Variants in SYT17 observed in about 807,000 individuals in gnomAD.
The protein encoded by SYT17 is synaptotagmin 17.
Under a neutral mutation model 46.7 loss-of-function variants are expected in SYT17, and 22 were observed. The observed-to-expected ratio is 0.47, with a 90% CI of 0.34 to 0.67. The LOEUF (loss-of-function observed/expected upper bound fraction) is 0.67. SYT17 is among the 30% of genes least tolerant of loss of function. SYT17 has a pLI of 0.01. For missense variants in SYT17, 519 were observed against 612.8 expected (o/e 0.85, Z 1.62); for synonymous variants, 251 against 248.4 (o/e 1.01, Z -0.10).
At chr16:19,194,804 C>A (rs1965168475) in intron 5 of SYT17, among the ~76,000 whole-genome samples, 1 of 152,052 alleles carries the variant, frequency 6.6e-6, no homozygotes, top group Non-Finnish European at 1.5e-5. Flanking sequence ...TGCTGTGTTG[C>A]CCAGGCTGGT....
chr16:19,175,375 C>T (rs1217423909), intron 3 of SYT17, among the ~76,000 whole-genome samples: 1 of 151,814 alleles, frequency 6.6e-6, no homozygotes, highest in Admixed American at 6.6e-5. Context: ...AATTCACAGC[C>T]GGGTGCCGTG....
At chr16:19,196,549 ATT>A (rs5816034) in intron 5 of SYT17, among the ~76,000 whole-genome samples, 26 of 150,612 alleles carry the variant, frequency 1.7e-4, no homozygotes, top group Admixed American at 4.6e-4. Context: ...CAGCTGAAGA[ATT>A]TTTTTTTTTT....
chr16:19,193,395 A>G (rs1204089750), intron 5 of SYT17, among the ~76,000 whole-genome samples: 1 of 152,252 alleles, frequency 6.6e-6, no homozygotes, highest in Non-Finnish European at 1.5e-5. Flanking sequence ...TGTTTAGTCA[A>G]AAGTGATATT....
chr16:19,179,282 C>T (rs551192417), intron 3 of SYT17, among the ~76,000 whole-genome samples: 26 of 152,262 alleles, frequency 1.7e-4, no homozygotes, highest in African/African-American at 6.3e-4. Flanking sequence ...CACAGACCAC[C>T]ATGCCCAGCT....
rs1461612476 is a variant in SYT17, at chr16:19,168,404, G to T, written c.-243G>T. 2 of 567,182 alleles carry T rather than the reference G, an allele frequency of 3.5e-6. No homozygotes were observed. The highest frequency in any genetic ancestry group is 3.1e-6 in the Non-Finnish European group (1 of 326,548). 35.1% of individuals were successfully genotyped at this position (567,182 alleles called of 1,614,324 possible). ...GGAGGCCGAGGCGGGGGCCCTGGGC[G>T]CCCGATATCTCCGAACCGGGGAGGC... is the stretch of plus-strand genomic sequence containing the variant. On this transcript the variant is annotated 5_prime_UTR_variant, in exon 1 of 8. Transcript: ENST00000355377. This position sits in a 1 kb window ranked among gnomAD's most constrained non-coding sequence, Gnocchi z 6.9.
chr16:19,178,304 C>T (rs1964401687), intron 3 of SYT17, among the ~76,000 whole-genome samples: 1 of 151,868 alleles, frequency 6.6e-6, no homozygotes, highest in South Asian at 2.1e-4. Context: ...CTAGGATGGT[C>T]TCGATGTCCT....
intron 7 of SYT17, among the ~76,000 whole-genome samples, chr16:19,230,649 A>G (rs1487381106): frequency 6.6e-6 from 1 of 152,194 alleles, no homozygotes; most frequent in Non-Finnish European, 1.5e-5. Context: ...CTGAGAAAAG[A>G]ATGTTCTTTC....
chr16:19,206,998 T>C (rs1347940522), intron 5 of SYT17, among the ~76,000 whole-genome samples: 1 of 152,178 alleles, frequency 6.6e-6, no homozygotes, highest in Non-Finnish European at 1.5e-5. Context: ...GGATCCCTCA[T>C]GACTGACTAG....
At chr16:19,195,293 T>C (rs1375830033) in intron 5 of SYT17, among the ~76,000 whole-genome samples, 1 of 152,236 alleles carries the variant, frequency 6.6e-6, no homozygotes, top group African/African-American at 2.4e-5. Flanking sequence ...TGAACCCATG[T>C]CATCCAGCTG....
intron 5 of SYT17, among the ~76,000 whole-genome samples, chr16:19,217,772 A>G (rs1416753631): frequency 6.6e-6 from 1 of 152,206 alleles, no homozygotes; most frequent in Non-Finnish European, 1.5e-5. Context: ...ACCAGTTTTC[A>G]TTACCACCAG....
At chr16:19,232,450 G>A (rs1166870702) in intron 7 of SYT17, among the ~76,000 whole-genome samples, 2 of 152,104 alleles carry the variant, frequency 1.3e-5, no homozygotes, top group South Asian at 2.1e-4. Context: ...TGATGCTGTG[G>A]GGCTGCAGAC....
intron 3 of SYT17, 63 bp from the exon 4 acceptor site, chr16:19,180,328 G>A: frequency 6.3e-7 from 1 of 1,591,268 alleles, no homozygotes; most frequent in Non-Finnish European, 8.6e-7. Flanking sequence ...AACCCCCAAG[G>A]GACAGAGATG....
chr16:19,206,262 G>A (rs904179845), intron 5 of SYT17, among the ~76,000 whole-genome samples: 1 of 152,104 alleles, frequency 6.6e-6, no homozygotes, highest in Non-Finnish European at 1.5e-5. Context: ...GAGCAGGAGC[G>A]GACAGTGTCA....
At chr16:19,235,978 C>T (rs1392256177) in intron 7 of SYT17, among the ~76,000 whole-genome samples, 1 of 152,080 alleles carries the variant, frequency 6.6e-6, no homozygotes, top group Middle Eastern at 3.2e-3. Context: ...ACATGGATTC[C>T]AGAACATTTA....
At chr16:19,247,253 C>T (rs150461327) in intron 7 of SYT17, among the ~76,000 whole-genome samples, 96 of 152,258 alleles carry the variant, frequency 6.3e-4, no homozygotes, top group Middle Eastern at 3.4e-3. Flanking sequence ...GGTAGGTCTC[C>T]TGTTGGTAAA....
intron 3 of SYT17, chr16:19,180,142 T>TTC: frequency 2.2e-6 from 1 of 456,526 alleles, no homozygotes; most frequent in South Asian, 2.8e-5. Flanking sequence ...ACCCCAGCTT[T>TTC]GAAATTATGC....
chr16:19,211,529 T>C, intron 5 of SYT17: 1 of 699,896 alleles, frequency 1.4e-6, no homozygotes, highest in South Asian at 1.5e-5. Context: ...TGTTTTCAAC[T>C]GAGTGTTAAT....
chr16:19,219,570 G>C (rs1029155535), intron 5 of SYT17, among the ~76,000 whole-genome samples: 1 of 152,132 alleles, frequency 6.6e-6, no homozygotes, highest in Non-Finnish European at 1.5e-5. Context: ...GCATTGAGGC[G>C]GAACTTACTG....
rs758015556 is a variant in SYT17, at chr16:19,168,734, CGGAA to C, written c.15+76_15+79del. On this transcript the variant is annotated intron_variant, in intron 1 of 7. Transcript: ENST00000355377. This position sits in a 1 kb window ranked among gnomAD's most constrained non-coding sequence, Gnocchi z 6.9. ...CGCGCCCCCTCCGGCTGGGAGCGCG[CGGAA>C]GGGAGGGCCCACGGCTAGGCTCCCA... 9.2e-6 allele frequency: 13 copies of C among 1,413,304 alleles called. No individual in the cohort carries two copies. The highest frequency in any genetic ancestry group is 1.2e-5 in the Non-Finnish European group (13 of 1,076,698). 87.5% of individuals were successfully genotyped at this position (1,413,304 alleles called of 1,614,324 possible).
Sources: gnomAD v4.1 joint callset for allele counts (sites outside exome capture counted in the v4.1 genomes callset) on GRCh38, gnomAD v4.1.1 for gene constraint, Gnocchi (gnomAD v3.1) non-coding constraint, MANE v1.5 for transcripts, NCBI Gene and HGNC (gene_info 2026-07-23, HGNC 2026-07-21) for gene names.